The following SHISA6 variants were observed in gnomAD, a reference collection of about 807,000 sequenced individuals.
SHISA6 encodes the protein protein shisa-6.
A neutral mutation model predicts 47.9 loss-of-function variants in SHISA6; 22 were observed. That is an observed-to-expected ratio of 0.46 (90% CI 0.33 to 0.66). SHISA6 has a LOEUF of 0.66. Among genes scored for constraint, SHISA6 ranks in the 30% least tolerant of loss-of-function variants. The pLI is 0.02. For synonymous variants in SHISA6, 388 were observed against 337.8 expected, an observed-to-expected ratio of 1.15 and a Z score of -1.63; for missense variants, 680 against 764.6, an observed-to-expected ratio of 0.89 and a Z score of 1.30.
At chr17:11,318,307 G>A (rs1014639731) in intron 2 of SHISA6, among the ~76,000 whole-genome samples, 2 of 152,064 alleles carry the variant, frequency 1.3e-5, no homozygotes, top group Admixed American at 1.3e-4. Flanking sequence ...TCGGAAACTG[G>A]CAATATTTGC....
intron 3 of SHISA6, among the ~76,000 whole-genome samples, chr17:11,408,592 TGTA>T (rs545643175): frequency 3.2e-4 from 48 of 152,290 alleles, no homozygotes; most frequent in African/African-American, 1.2e-3. Context: ...TACCTAGAAA[TGTA>T]GTTCTGTAGC....
intron 2 of SHISA6, among the ~76,000 whole-genome samples, chr17:11,310,750 A>G (rs190716115): frequency 4.0e-5 from 6 of 151,876 alleles, no homozygotes; most frequent in Admixed American, 1.3e-4. Flanking sequence ...CGAGGTGGGC[A>G]GATCACAAGG....
intron 3 of SHISA6, among the ~76,000 whole-genome samples, chr17:11,533,004 G>GGTTGTGTT (rs1438797667): frequency 6.6e-6 from 1 of 152,066 alleles, no homozygotes; most frequent in Non-Finnish European, 1.5e-5. Flanking sequence ...AGCCACTTTG[G>GGTTGTGTT]GTTGTGTTGC....
At chr17:11,248,241 G>A (rs1478923544) in intron 1 of SHISA6, among the ~76,000 whole-genome samples, 2 of 152,124 alleles carry the variant, frequency 1.3e-5, no homozygotes, top group East Asian at 3.9e-4. Flanking sequence ...ATCTCTCGAA[G>A]TGAAACCAGA....
intron 2 of SHISA6, among the ~76,000 whole-genome samples, chr17:11,321,252 G>A (rs1910710144): frequency 6.6e-6 from 1 of 152,314 alleles, no homozygotes; most frequent in Non-Finnish European, 1.5e-5. Flanking sequence ...TATCAGGAAA[G>A]CTAATGCAGT....
At chr17:11,426,786 G>A (rs563003969) in intron 3 of SHISA6, among the ~76,000 whole-genome samples, 91 of 152,044 alleles carry the variant, frequency 6.0e-4, no homozygotes, top group Non-Finnish European at 1.1e-3. Context: ...TTGCGGGGAG[G>A]GTACCACATG....
At chr17:11,537,335 C>T (rs2071796036) in intron 3 of SHISA6, among the ~76,000 whole-genome samples, 1 of 152,050 alleles carries the variant, frequency 6.6e-6, no homozygotes, top group Admixed American at 6.5e-5. Context: ...CATCAGCAAC[C>T]AACCTGTCTT....
At chr17:11,318,043 T>C (rs1034977111) in intron 2 of SHISA6, among the ~76,000 whole-genome samples, 1 of 152,156 alleles carries the variant, frequency 6.6e-6, no homozygotes, top group African/African-American at 2.4e-5. Context: ...TCACATAATT[T>C]AATCCATAAA....
chr17:11,251,247 A>C (rs1227892830), intron 1 of SHISA6, among the ~76,000 whole-genome samples: 2 of 7,292 alleles, frequency 2.7e-4, no homozygotes, highest in Non-Finnish European at 9.6e-3. Flanking sequence ...TAAGTGACCT[A>C]CCTATGAGGG....
At chr17:11,480,757 T>C (rs1488874397) in intron 3 of SHISA6, among the ~76,000 whole-genome samples, 1 of 152,218 alleles carries the variant, frequency 6.6e-6, no homozygotes, top group Non-Finnish European at 1.5e-5. Flanking sequence ...AAGCTAGTTG[T>C]GTGTAAACTT....
intron 2 of SHISA6, chr17:11,289,838 G>A (rs1228693959): frequency 6.6e-6 from 1 of 151,858 alleles, no homozygotes; most frequent in Admixed American, 6.6e-5. Flanking sequence ...TCTTATTTCT[G>A]ACTGAAGTTG....
At chr17:11,317,748 C>T (rs1597455218) in intron 2 of SHISA6, among the ~76,000 whole-genome samples, 1 of 150,842 alleles carries the variant, frequency 6.6e-6, no homozygotes, top group Admixed American at 6.6e-5. Flanking sequence ...GTCTTCTTTC[C>T]GTTTTAAAAA....
At chr17:11,364,594 A>G (rs1385889100) in intron 2 of SHISA6, among the ~76,000 whole-genome samples, 5 of 152,222 alleles carry the variant, frequency 3.3e-5, no homozygotes, top group Admixed American at 6.5e-5. Flanking sequence ...TATTTATTCA[A>G]TCACCATTTG....
At chr17:11,287,157 G>A (rs969377325) in intron 2 of SHISA6, among the ~76,000 whole-genome samples, 1 of 151,992 alleles carries the variant, frequency 6.6e-6, no homozygotes, top group South Asian at 2.1e-4. Flanking sequence ...TTACTTGGGA[G>A]GCTGAGGTGG....
intron 3 of SHISA6, among the ~76,000 whole-genome samples, chr17:11,536,709 A>T (rs766029553): frequency 5.3e-5 from 8 of 152,090 alleles, no homozygotes; most frequent in Non-Finnish European, 8.8e-5. Context: ...ACCCTTGCTC[A>T]TATCCACCTC....
chr17:11,359,054 T>C (rs1912176326), intron 2 of SHISA6, among the ~76,000 whole-genome samples: 1 of 152,216 alleles, frequency 6.6e-6, no homozygotes, highest in Admixed American at 6.5e-5. Flanking sequence ...ACACTTGGCT[T>C]TCTTCTCCAT....
chr17:11,519,278 T>G (rs534558457), intron 3 of SHISA6, among the ~76,000 whole-genome samples: 68 of 152,306 alleles, frequency 4.5e-4, no homozygotes, highest in African/African-American at 1.5e-3. Flanking sequence ...ATAAAGTGTG[T>G]CCATCTCTAC....
Position 11,483,171 on chromosome 17 carries a change from C to T in SHISA6, c.896-68725C>T, listed in dbSNP as rs892686704. ...ACAAAATTAGCTGGGTGTGGTGGCACGTGCCTGTAATCCCAGCTACTCGGA... is the reference window on the plus strand; with the variant it reads ...ACAAAATTAGCTGGGTGTGGTGGCATGTGCCTGTAATCCCAGCTACTCGGA... On this transcript the variant is annotated intron_variant, in intron 3 of 5. Transcript: ENST00000441885. Among the ~76,000 whole-genome samples, 8 of 151,812 alleles carry T rather than the reference C, an allele frequency of 5.3e-5. No homozygotes were observed. In the South Asian group the frequency reaches 8.3e-4, roughly 16 times the overall value.
chr17:11,458,083 T>TGA (rs1447665962), intron 3 of SHISA6, among the ~76,000 whole-genome samples: 3 of 114,528 alleles, frequency 2.6e-5, no homozygotes, highest in African/African-American at 9.3e-5. Context: ...AGACTCTGTC[T>TGA]AAAAAAAAAA....
Sources: allele counts gnomAD v4.1 joint callset (sites outside exome capture counted in the v4.1 genomes callset), GRCh38; gene constraint gnomAD v4.1.1; transcripts MANE v1.5; gene names NCBI Gene and HGNC (gene_info 2026-07-23, HGNC 2026-07-21).